The following TRDN variants were observed in gnomAD, a reference collection of about 807,000 sequenced individuals.
TRDN encodes the protein triadin, also known as triadin in skeletal muscle.
Under a neutral mutation model 149.7 loss-of-function variants are expected in TRDN, and 161 were observed. The ratio of observed to expected loss-of-function variants is 1.08; its 90% CI spans 0.95 to 1.23. The LOEUF is 1.23. Ranked by LOEUF, TRDN falls within the 50% of genes most tolerant of loss-of-function variation. TRDN has a pLI of 0.00. For synonymous variants in TRDN, 294 were observed against 250.5 expected (o/e 1.17, Z -1.64); for missense variants, 896 against 823.5 (o/e 1.09, Z -1.08).
chr6:123,351,788 T>G, intron 21 of TRDN: 1 of 915,696 alleles, frequency 1.1e-6, no homozygotes, highest in Non-Finnish European at 1.3e-6. Flanking sequence ...TCTAATTTAA[T>G]TTATTACAAT....
chr6:123,541,707 A>G (rs906845602), intron 4 of TRDN, among the ~76,000 whole-genome samples: 1 of 152,154 alleles, frequency 6.6e-6, no homozygotes, highest in African/African-American at 2.4e-5. Flanking sequence ...TATACTTAAC[A>G]ATGTTACTAG....
At chr6:123,351,021 T>C in intron 21 of TRDN, 1 of 973,484 alleles carries the variant, frequency 1.0e-6, no homozygotes, top group Non-Finnish European at 1.2e-6. Flanking sequence ...CAATTGTCTG[T>C]TTGGTACTAT....
chr6:123,456,942 T>C (rs1327864365), intron 10 of TRDN: 1 of 430,516 alleles, frequency 2.3e-6, no homozygotes, highest in African/African-American at 2.0e-5. Flanking sequence ...CGCAAACAAA[T>C]GTTTTATAAG....
chr6:123,257,258 A>T (rs1776597407), intron 35 of TRDN, among the ~76,000 whole-genome samples: 1 of 151,996 alleles, frequency 6.6e-6, no homozygotes, highest in Admixed American at 6.6e-5. Context: ...GATTTCAGGC[A>T]TGAGCAACCA....
intron 1 of TRDN, among the ~76,000 whole-genome samples, chr6:123,580,072 A>C (rs1016345450): frequency 3.3e-5 from 5 of 152,194 alleles, no homozygotes; most frequent in Admixed American, 3.3e-4. Flanking sequence ...CAATTTTAGA[A>C]GGAATGGTAC....
At chr6:123,475,752 A>G (rs544288344) in intron 9 of TRDN, among the ~76,000 whole-genome samples, 2,442 of 141,574 alleles carry the variant, frequency 0.017, 64 homozygotes, top group African/African-American at 0.061. Context: ...GGCTGGTTCA[A>G]TATACGCAAA....
chr6:123,350,579 T>C, intron 21 of TRDN: 1 of 718,904 alleles, frequency 1.4e-6, no homozygotes, highest in Non-Finnish European at 1.7e-6. Context: ...TATGGGACAA[T>C]TTATAGAATG....
At chr6:123,576,471 A>C (rs1009152008) in intron 1 of TRDN, among the ~76,000 whole-genome samples, 2 of 79,822 alleles carry the variant, frequency 2.5e-5, no homozygotes, top group African/African-American at 7.4e-5. Flanking sequence ...TTTTTAATTT[A>C]TTTTTATTTT....
intron 2 of TRDN, among the ~76,000 whole-genome samples, chr6:123,558,131 C>T (rs559241119): frequency 5.9e-5 from 9 of 152,164 alleles, no homozygotes; most frequent in East Asian, 1.9e-4. Context: ...TTTTACACAT[C>T]GGTCCCTCCC....
rs552902256 is a variant in TRDN, at chr6:123,362,439, T to A, written c.1321+3696A>T. Among the ~76,000 whole-genome samples, 5 of 152,334 alleles carry A rather than the reference T, an allele frequency of 3.3e-5. No individual in the cohort carries two copies. The South Asian group carries it at 1.0e-3, about 32-fold the overall frequency. Reference sequence around the variant, plus strand: ...TAAAACAAGGCCTTTTATGGCATTATTAGCCCAGTTTATATTAATTCCTAC... The same window carrying A: ...TAAAACAAGGCCTTTTATGGCATTAATAGCCCAGTTTATATTAATTCCTAC... On this transcript the variant is annotated intron_variant, in intron 20 of 40. Coordinates refer to ENST00000334268, the MANE Select transcript of TRDN (RefSeq NM_006073.4).
At chr6:123,412,900 A>G (rs1185455208) in intron 12 of TRDN, among the ~76,000 whole-genome samples, 2 of 152,214 alleles carry the variant, frequency 1.3e-5, no homozygotes, top group African/African-American at 4.8e-5. Flanking sequence ...ATTAGTAACT[A>G]GCTAATTTAG....
intron 13 of TRDN, among the ~76,000 whole-genome samples, chr6:123,392,442 TG>T (rs1772527144): frequency 1.3e-5 from 2 of 152,194 alleles, no homozygotes; most frequent in South Asian, 4.1e-4. Flanking sequence ...AAGGTGATTG[TG>T]GTTTTCTATG....
intron 38 of TRDN, among the ~76,000 whole-genome samples, chr6:123,252,043 C>A (rs1776393535): frequency 6.6e-6 from 1 of 152,038 alleles, no homozygotes; most frequent in African/African-American, 2.4e-5. Flanking sequence ...GCAAAAGCAT[C>A]ACTGTTCGAC....
In TRDN at chr6:123,352,521, T is replaced by C; in HGVS notation, c.1369+18A>G. On this transcript the variant is annotated intron_variant, in intron 21 of 40. Coordinates refer to ENST00000334268, the MANE Select transcript of TRDN (RefSeq NM_006073.4). The stretch of plus-strand genomic sequence containing the variant: ...CTTTCTAAAGAAGATAATGTCAACC[T>C]CCTTCATTTTTTTTTACCTTGCTCC... The C allele has an allele frequency of 6.2e-7, 1 of 1,609,968 alleles. No homozygotes were observed. The highest frequency in any genetic ancestry group is 8.5e-7 in the Non-Finnish European group (1 of 1,178,026).
chr6:123,444,145 C>A (rs560153017), intron 10 of TRDN, among the ~76,000 whole-genome samples: 2,088 of 143,196 alleles, frequency 0.015, 117 homozygotes, highest in Non-Finnish European at 0.018. Context: ...ATTCTTCCTG[C>A]CCATGAGCAT....
Position 123,453,292 on chromosome 6 carries a change from A to C in TRDN, c.931+11614T>G, listed in dbSNP as rs9482389. Among the ~76,000 whole-genome samples, 791 of 152,362 alleles carry C rather than the reference A, an allele frequency of 5.2e-3. 6 individuals are homozygous for C. The highest frequency in any genetic ancestry group is 0.018 in the African/African-American group (734 of 41,584). On this transcript the variant is annotated intron_variant, in intron 10 of 40. Coordinates refer to ENST00000334268, the MANE Select transcript of TRDN (RefSeq NM_006073.4). ...AAACTAAAGAGCTTTTGCACAGCAA[A>C]AGGAACAGTTGGCAGAGTAAACAGA...
intron 24 of TRDN, among the ~76,000 whole-genome samples, chr6:123,310,063 T>C (rs1778759110): frequency 6.6e-6 from 1 of 152,062 alleles, no homozygotes; most frequent in East Asian, 1.9e-4. Flanking sequence ...TGAAGTTTTG[T>C]GGGTAGCTGC....
intron 21 of TRDN, among the ~76,000 whole-genome samples, chr6:123,343,035 C>T (rs185165044): frequency 6.6e-6 from 1 of 152,196 alleles, no homozygotes; most frequent in Non-Finnish European, 1.5e-5. Context: ...AAACATCTTT[C>T]ATGATTAGCC....
At chr6:123,575,288 C>A (rs1782797189) in intron 1 of TRDN, among the ~76,000 whole-genome samples, 1 of 151,876 alleles carries the variant, frequency 6.6e-6, no homozygotes, top group African/African-American at 2.4e-5. Context: ...TTAAGTTGTA[C>A]CTTTCAATTT....
Sources: allele counts gnomAD v4.1 joint callset (sites outside exome capture counted in the v4.1 genomes callset), GRCh38; gene constraint gnomAD v4.1.1; transcripts MANE v1.5; gene names NCBI Gene and HGNC (gene_info 2026-07-23, HGNC 2026-07-21).